PPA2: variants seen among roughly 807,000 people sequenced by gnomAD.
PPA2 encodes inorganic pyrophosphatase 2, also known as inorganic pyrophosphatase 2, mitochondrial.
PPA2 carries 48 observed loss-of-function variants against 49.5 expected under a neutral mutation model. The observed-to-expected ratio is 0.97, with a 90% confidence interval of 0.77 to 1.23. The LOEUF is 1.23. PPA2 is among the 50% of genes most tolerant of loss of function. The probability of loss-of-function intolerance (pLI) is 0.00; values close to 1 mark genes in which losing one functional copy is unlikely to be tolerated. For synonymous variants in PPA2, 131 were observed against 139.9 expected, an observed-to-expected ratio of 0.94 and a Z score of 0.45; for missense variants, 429 against 410.1, an observed-to-expected ratio of 1.05 and a Z score of -0.40.
At chr4:105,453,687 T>C in intron 2 of PPA2, 45 bp from the exon 3 acceptor site, 1 of 1,457,466 alleles carries the variant, frequency 6.9e-7, no homozygotes. Context: ...TTCATGAAAG[T>C]ATACAGTGGC....
intron 7 of PPA2, among the ~76,000 whole-genome samples, chr4:105,413,027 T>G (rs13141562): frequency 4.6e-5 from 7 of 152,294 alleles, no homozygotes; most frequent in African/African-American, 9.6e-5. Context: ...TAAAGACACA[T>G]GCACACGTAT....
intron 1 of PPA2, among the ~76,000 whole-genome samples, chr4:105,465,219 T>C (rs1051705325): frequency 6.6e-6 from 1 of 152,224 alleles, no homozygotes. Flanking sequence ...TCTATGTGTT[T>C]ATTTTTGGTG....
rs530571832 is a variant in PPA2, at chr4:105,389,643, TAA to T, written c.870-3009_870-3008del. On this transcript the variant is annotated intron_variant, in intron 9 of 11. Transcript: ENST00000341695. ...AACAAGCCCAAATTACATATAAAAA[TAA>T]TAAAGTATATTACTAGACAGATAAT... 5.4e-3 allele frequency among the ~76,000 whole-genome samples: 821 copies of T among 151,860 alleles called. 7 individuals carry two copies. Among genetic ancestry groups the T allele is most frequent in the African/African-American group, 0.019 (776 of 41,396 alleles).
At chr4:105,457,282 A>AT (rs1418718166) in intron 1 of PPA2, among the ~76,000 whole-genome samples, 4 of 152,202 alleles carry the variant, frequency 2.6e-5, no homozygotes, top group Non-Finnish European at 5.9e-5. Context: ...TCAATAACAG[A>AT]AACTATCTTA....
intron 1 of PPA2, among the ~76,000 whole-genome samples, chr4:105,468,739 T>C (rs1325336634): frequency 6.6e-6 from 1 of 151,964 alleles, no homozygotes; most frequent in South Asian, 2.1e-4. Flanking sequence ...CCATCAGGGG[T>C]CCTACTTCCC....
At chr4:105,375,532 T>A (rs1560602226) in intron 10 of PPA2, among the ~76,000 whole-genome samples, 1 of 152,118 alleles carries the variant, frequency 6.6e-6, no homozygotes, top group Admixed American at 6.6e-5. Flanking sequence ...TAAAAGAAAA[T>A]GCAGTCCTCT....
chr4:105,449,795 C>T (rs1722591346), intron 3 of PPA2, among the ~76,000 whole-genome samples: 1 of 152,204 alleles, frequency 6.6e-6, no homozygotes, highest in Non-Finnish European at 1.5e-5. Flanking sequence ...GTGTGATCAT[C>T]TCTGTCCCAC....
At chr4:105,416,334 T>C (rs1243212619) in intron 7 of PPA2, among the ~76,000 whole-genome samples, 2 of 152,104 alleles carry the variant, frequency 1.3e-5, no homozygotes, top group African/African-American at 4.8e-5. Context: ...ATAAAAGTAA[T>C]ACCCTATCTC....
intron 2 of PPA2, among the ~76,000 whole-genome samples, chr4:105,454,807 C>T (rs915446819): frequency 7.9e-5 from 12 of 152,138 alleles, no homozygotes; most frequent in Admixed American, 7.9e-4. Flanking sequence ...TCAATTTTGC[C>T]TAATCTCTAA....
chr4:105,378,602 A>G (rs941825349), intron 10 of PPA2, among the ~76,000 whole-genome samples: 7 of 152,188 alleles, frequency 4.6e-5, no homozygotes, highest in Middle Eastern at 3.4e-3. Context: ...ATGAAGTCCT[A>G]TTTATCATTT....
At chr4:105,404,796 C>T (rs1722382697) in intron 7 of PPA2, among the ~76,000 whole-genome samples, 1 of 152,044 alleles carries the variant, frequency 6.6e-6, no homozygotes, top group Admixed American at 6.6e-5. Flanking sequence ...AAAATAAATA[C>T]ACAGGCCAGG....
chr4:105,417,573 G>A (rs530664787), intron 7 of PPA2, among the ~76,000 whole-genome samples: 12 of 145,940 alleles, frequency 8.2e-5, no homozygotes, highest in African/African-American at 1.0e-4. Flanking sequence ...AAAAAAAACT[G>A]TAAGAGGTCA....
At chr4:105,468,395 A>G (rs1560647041) in intron 1 of PPA2, among the ~76,000 whole-genome samples, 2 of 152,216 alleles carry the variant, frequency 1.3e-5, no homozygotes, top group Non-Finnish European at 2.9e-5. Context: ...TGCATCCCAG[A>G]GGAAAGCAGT....
chr4:105,381,445 T>A (rs989901794), intron 10 of PPA2, among the ~76,000 whole-genome samples: 16 of 152,058 alleles, frequency 1.1e-4, no homozygotes, highest in African/African-American at 3.4e-4. Context: ...CATTTTAGAA[T>A]CACCCTGTGA....
intron 3 of PPA2, among the ~76,000 whole-genome samples, chr4:105,450,943 T>C (rs545762987): frequency 1.3e-5 from 2 of 152,300 alleles, no homozygotes; most frequent in African/African-American, 4.8e-5. Context: ...TTGCATTTTT[T>C]TTAAGTATCT....
intron 5 of PPA2, among the ~76,000 whole-genome samples, chr4:105,440,406 C>T (rs1337846179): frequency 2.0e-5 from 3 of 151,954 alleles, no homozygotes; most frequent in Admixed American, 6.6e-5. Flanking sequence ...GAACTACAGG[C>T]GCCCACCACC....
intron 1 of PPA2, among the ~76,000 whole-genome samples, chr4:105,470,677 C>T (rs1256201626): frequency 2.0e-5 from 3 of 152,120 alleles, no homozygotes; most frequent in African/African-American, 7.2e-5. Context: ...AAATAAATAA[C>T]ATTTATTAAA....
chr4:105,457,821 T>C (rs1234574812), intron 1 of PPA2, among the ~76,000 whole-genome samples: 1 of 152,146 alleles, frequency 6.6e-6, no homozygotes, highest in Admixed American at 6.5e-5. Context: ...ACTTTGGGCC[T>C]CCCGAAGTAT....
intron 4 of PPA2, among the ~76,000 whole-genome samples, chr4:105,447,255 T>G (rs548490176): frequency 6.6e-6 from 1 of 152,300 alleles, no homozygotes; most frequent in African/African-American, 2.4e-5. Flanking sequence ...TGGATGAAAC[T>G]GGAGAACATT....
Sources: allele counts gnomAD v4.1 joint callset (sites outside exome capture counted in the v4.1 genomes callset), GRCh38; gene constraint gnomAD v4.1.1; transcripts MANE v1.5; gene names NCBI Gene and HGNC (gene_info 2026-07-23, HGNC 2026-07-21).